The following ITFG1 variants were observed in gnomAD, a reference collection of about 807,000 sequenced individuals.
ITFG1 encodes integrin alpha FG-GAP repeat containing 1, also known as T-cell immunomodulatory protein.
Under a neutral mutation model 81.8 loss-of-function variants are expected in ITFG1, and 34 were observed. That is an observed-to-expected ratio of 0.42 (90% CI 0.32 to 0.55). The LOEUF is 0.55. ITFG1 is among the 20% of genes least tolerant of loss of function. The pLI is 0.17. For missense variants in ITFG1, 672 were observed against 755.4 expected, an observed-to-expected ratio of 0.89 and a Z score of 1.29; for synonymous variants, 285 against 270.6, an observed-to-expected ratio of 1.05 and a Z score of -0.52.
chr16:47,346,624 T>C (rs1292629331), intron 8 of ITFG1, among the ~76,000 whole-genome samples: 1 of 152,192 alleles, frequency 6.6e-6, no homozygotes, highest in Non-Finnish European at 1.5e-5. Flanking sequence ...CATAAGAGAT[T>C]ATTATGAACA....
chr16:47,364,039 C>T (rs995414713), intron 8 of ITFG1, among the ~76,000 whole-genome samples: 1 of 152,134 alleles, frequency 6.6e-6, no homozygotes, highest in Non-Finnish European at 1.5e-5. Context: ...GGGCTGGATG[C>T]AATTCACAAA....
chr16:47,209,839 T>A (rs904883204), intron 14 of ITFG1, among the ~76,000 whole-genome samples: 5 of 152,230 alleles, frequency 3.3e-5, no homozygotes, highest in Non-Finnish European at 7.4e-5. Context: ...TTTTTCTCAA[T>A]GTAATCCTCT....
chr16:47,166,040 A>G (rs1163712215), intron 14 of ITFG1, among the ~76,000 whole-genome samples: 1 of 152,190 alleles, frequency 6.6e-6, no homozygotes, highest in Non-Finnish European at 1.5e-5. Context: ...GCCTCATTAT[A>G]TGCTCCTTTC....
chr16:47,311,176 C>A, intron 10 of ITFG1, 64 bp downstream of exon 10: 1 of 1,211,572 alleles, frequency 8.3e-7, no homozygotes, highest in Non-Finnish European at 1.2e-6. Flanking sequence ...TTGCAAAGTA[C>A]CATGGTTTGC....
intron 14 of ITFG1, among the ~76,000 whole-genome samples, chr16:47,182,139 T>C (rs1434903828): frequency 6.7e-6 from 1 of 149,818 alleles, no homozygotes; most frequent in African/African-American, 2.5e-5. Context: ...TATGACCCTG[T>C]CAAATCCCCC....
At chr16:47,299,199 C>T (rs999792808) in intron 10 of ITFG1, among the ~76,000 whole-genome samples, 3 of 152,200 alleles carry the variant, frequency 2.0e-5, no homozygotes, top group African/African-American at 7.2e-5. Context: ...TCCTTTTAGG[C>T]TGCAATGCTG....
chr16:47,219,572 A>C (rs965668090), intron 13 of ITFG1, among the ~76,000 whole-genome samples: 7 of 152,192 alleles, frequency 4.6e-5, no homozygotes, highest in Non-Finnish European at 1.5e-5. Flanking sequence ...AATAGAACAT[A>C]AAGAAACCAA....
At chr16:47,448,604 A>ATTTTTT (rs34421476) in intron 5 of ITFG1, 12 of 128,194 alleles carry the variant, frequency 9.4e-5, no homozygotes, top group African/African-American at 6.1e-5. Context: ...GAGTCAGAAA[A>ATTTTTT]TTTTTTTTTT....
intron 14 of ITFG1, among the ~76,000 whole-genome samples, chr16:47,208,501 C>T (rs572103516): frequency 1.3e-5 from 2 of 152,328 alleles, no homozygotes; most frequent in South Asian, 4.1e-4. Context: ...TGGAGCTGTA[C>T]TTCTAGAACA....
intron 14 of ITFG1, among the ~76,000 whole-genome samples, chr16:47,179,885 G>A (rs926029143): frequency 2.0e-5 from 3 of 152,172 alleles, no homozygotes; most frequent in Non-Finnish European, 4.4e-5. Flanking sequence ...AACGACGGTT[G>A]TCCTCTTTTC....
rs1354449435 is a variant in ITFG1 at position 47,392,940 on chromosome 16, G to A, written c.656-17000C>T. Among the ~76,000 whole-genome samples the A allele has an allele frequency of 4.6e-5, 7 of 152,268 alleles. No individual in the cohort carries two copies. The East Asian group carries it at 1.3e-3, about 29-fold the overall frequency. Reference sequence around the variant, plus strand: ...CAGAAAAGTACTGACTAGCTCACAGGTGTCTTAATCCAAGGCCACCCCTCC... The same window carrying A: ...CAGAAAAGTACTGACTAGCTCACAGATGTCTTAATCCAAGGCCACCCCTCC... On this transcript the variant is annotated intron_variant, in intron 6 of 17. Coordinates refer to ENST00000320640, the MANE Select transcript of ITFG1 (RefSeq NM_030790.5).
At chr16:47,236,250 C>T (rs1351614696) in intron 13 of ITFG1, among the ~76,000 whole-genome samples, 13 of 151,832 alleles carry the variant, frequency 8.6e-5, no homozygotes, top group East Asian at 5.8e-4. Context: ...CTGAGGCAGG[C>T]GGATCACGAG....
chr16:47,251,790 T>C (rs1220456074), intron 12 of ITFG1, among the ~76,000 whole-genome samples: 2 of 152,214 alleles, frequency 1.3e-5, no homozygotes, highest in African/African-American at 4.8e-5. Context: ...AACAATAAAC[T>C]AATAATAAAA....
intron 6 of ITFG1, among the ~76,000 whole-genome samples, chr16:47,399,429 C>T (rs1015409203): frequency 2.6e-5 from 4 of 152,118 alleles, no homozygotes; most frequent in African/African-American, 4.8e-5. Context: ...AACAATTAGC[C>T]GGGCGTGTTG....
chr16:47,441,544 C>T (rs1467572967), intron 5 of ITFG1, among the ~76,000 whole-genome samples: 3 of 152,104 alleles, frequency 2.0e-5, no homozygotes, highest in African/African-American at 2.4e-5. Flanking sequence ...TAAATACACG[C>T]AATCCAGCAT....
At chr16:47,180,794 C>T (rs549073260) in intron 14 of ITFG1, among the ~76,000 whole-genome samples, 10 of 152,282 alleles carry the variant, frequency 6.6e-5, no homozygotes, top group African/African-American at 2.2e-4. Context: ...CAGCCTCTGC[C>T]CGGCCGCCAC....
chr16:47,296,396 T>C (rs909914298), intron 10 of ITFG1, among the ~76,000 whole-genome samples: 4 of 152,168 alleles, frequency 2.6e-5, no homozygotes, highest in Non-Finnish European at 4.4e-5. Flanking sequence ...ATCCAAAGAC[T>C]GTTCAGGAGT....
At chr16:47,413,513 G>A (rs534137872) in intron 6 of ITFG1, among the ~76,000 whole-genome samples, 5 of 152,182 alleles carry the variant, frequency 3.3e-5, no homozygotes, top group East Asian at 1.9e-4. Context: ...TGGGCAACAC[G>A]GAGAAATCCT....
intron 14 of ITFG1, among the ~76,000 whole-genome samples, chr16:47,173,985 A>G (rs917532169): frequency 6.6e-6 from 1 of 152,216 alleles, no homozygotes; most frequent in Admixed American, 6.5e-5. Flanking sequence ...GGTTGTAGTG[A>G]GCTGAGATTG....
Sources: gnomAD v4.1 joint callset for allele counts (sites outside exome capture counted in the v4.1 genomes callset) on GRCh38, gnomAD v4.1.1 for gene constraint, MANE v1.5 for transcripts, NCBI Gene and HGNC (gene_info 2026-07-23, HGNC 2026-07-21) for gene names.